Variants in ITIH5 observed in about 807,000 individuals in gnomAD.
ITIH5 encodes inter-alpha-trypsin inhibitor heavy chain H5.
Under a neutral mutation model 77.5 loss-of-function variants are expected in ITIH5, and 65 were observed. The observed-to-expected ratio is 0.84, with a 90% CI of 0.69 to 1.03. The LOEUF (loss-of-function observed/expected upper bound fraction) is 1.03. ITIH5 is among the 50% of genes least tolerant of loss of function. ITIH5 has a pLI of 0.00. For missense variants in ITIH5, 1,208 were observed against 1,213.1 expected, an observed-to-expected ratio of 1.00 and a Z score of 0.06; for synonymous variants, 525 against 494.3, an observed-to-expected ratio of 1.06 and a Z score of -0.82.
chr10:7,563,272 T>G lies in ITIH5; in HGVS notation c.2640A>C (p.Thr880=). 6.2e-7 allele frequency: 1 copy of G among 1,614,224 alleles called. No homozygotes were observed. The highest frequency in any genetic ancestry group is 8.5e-7 in the Non-Finnish European group (1 of 1,180,042). The change falls in exon 14 of 14, where the codon ACA becomes ACC. Residue 880 remains threonine (T), a synonymous_variant. Coordinates refer to ENST00000397146, the MANE Select transcript of ITIH5 (RefSeq NM_030569.7). ...QVGEGPEAVL[T]VKGHQVPVVW... is the part of the protein sequence containing the mutation. ...CCACTGGGACTTGGTGGCCTTTCAC[T>G]GTTAGGACGGCCTCAGGCCCCTCTC...
chr10:7,665,916 GTC>G (rs1198237395), intron 1 of ITIH5, among the ~76,000 whole-genome samples: 1 of 152,186 alleles, frequency 6.6e-6, no homozygotes, highest in Admixed American at 6.5e-5. Flanking sequence ...GAAGATAACT[GTC>G]TTCATATTTA....
chr10:7,592,879 G>A (rs981642532), intron 7 of ITIH5, among the ~76,000 whole-genome samples: 6 of 152,104 alleles, frequency 3.9e-5, no homozygotes, highest in East Asian at 1.9e-4. Context: ...ATGCAGTGGC[G>A]GTGGTGGGGC....
chr10:7,583,579 C>G (rs566940241), intron 8 of ITIH5, among the ~76,000 whole-genome samples: 1 of 152,166 alleles, frequency 6.6e-6, no homozygotes, highest in African/African-American at 2.4e-5. Flanking sequence ...GGCAATCCAC[C>G]CGCCTTGGCC....
chr10:7,653,206 CA>C (rs1360004390), intron 2 of ITIH5, among the ~76,000 whole-genome samples: 2 of 151,726 alleles, frequency 1.3e-5, no homozygotes, highest in Non-Finnish European at 2.9e-5. Flanking sequence ...TGACATCTAT[CA>C]AAAAAAAGGT....
intron 7 of ITIH5, among the ~76,000 whole-genome samples, chr10:7,613,587 T>C (rs983274710): frequency 7.2e-5 from 11 of 152,182 alleles, no homozygotes; most frequent in Non-Finnish European, 1.6e-4. Context: ...AATATTTTCT[T>C]TAGCTTCCCA....
At chr10:7,592,328 C>G (rs912311851) in intron 7 of ITIH5, among the ~76,000 whole-genome samples, 1 of 152,156 alleles carries the variant, frequency 6.6e-6, no homozygotes, top group Non-Finnish European at 1.5e-5. Flanking sequence ...AACAGCCATC[C>G]CCTTGCCCTG....
intron 7 of ITIH5, among the ~76,000 whole-genome samples, chr10:7,606,893 AT>A (rs937924638): frequency 2.6e-5 from 4 of 151,990 alleles, no homozygotes; most frequent in Non-Finnish European, 4.4e-5. Context: ...TTGGAGAGCA[AT>A]TTTTTTTCTT....
chr10:7,641,596 A>C (rs546110167), intron 3 of ITIH5, among the ~76,000 whole-genome samples: 89 of 149,526 alleles, frequency 6.0e-4, no homozygotes, highest in Non-Finnish European at 1.1e-3. Context: ...TAAAAAAGAG[A>C]AAATAGAAGG....
intron 7 of ITIH5, among the ~76,000 whole-genome samples, chr10:7,599,718 G>A (rs1186579513): frequency 1.3e-5 from 2 of 152,132 alleles, no homozygotes; most frequent in Non-Finnish European, 2.9e-5. Flanking sequence ...ATATGGACAG[G>A]CTGGGAAAAA....
rs184897915 is a variant in ITIH5 at position 7,635,292 on chromosome 10, C to T, written c.652+1936G>A. 7.9e-5 allele frequency among the ~76,000 whole-genome samples: 12 copies of T among 152,292 alleles called. No individual in the cohort carries two copies. In the East Asian group the frequency reaches 1.4e-3, roughly 17 times the overall value. Reference sequence around the variant, plus strand: ...TAATAATTTTTAAGCTCTCATTCTGCGGCCAACCCTTTACATACATGAGCA... The same window carrying T: ...TAATAATTTTTAAGCTCTCATTCTGTGGCCAACCCTTTACATACATGAGCA... On this transcript the variant is annotated intron_variant, in intron 5 of 13. Transcript: ENST00000397146.
At chr10:7,568,491 C>T (rs1832231691) in intron 12 of ITIH5, among the ~76,000 whole-genome samples, 1 of 152,184 alleles carries the variant, frequency 6.6e-6, no homozygotes, top group Admixed American at 6.5e-5. Flanking sequence ...TACAGTTAGG[C>T]CCCTATCTTG....
chr10:7,631,962 T>TTTC (rs1491460860), intron 5 of ITIH5, among the ~76,000 whole-genome samples: 2 of 33,572 alleles, frequency 6.0e-5, no homozygotes, highest in Non-Finnish European at 9.5e-5. Context: ...AATTTTTGTA[T>TTTC]TTTTTTTTTT....
In ITIH5 at chr10:7,580,082, G is replaced by A. The variant is rs779223947; in HGVS notation, c.1109-18C>T. The A allele has an allele frequency of 5.7e-6, 9 of 1,576,730 alleles. No individual in the cohort carries two copies. Among genetic ancestry groups the A allele is most frequent in the South Asian group, 3.4e-5 (3 of 87,870 alleles). ...GTCTGTGCCTGCAGGACACCAACAC[G>A]GAACAGCTCAAGCCTCTGCACTCAC... On this transcript the variant is annotated intron_variant, in intron 8 of 13. Transcript: ENST00000397146.
intron 12 of ITIH5, among the ~76,000 whole-genome samples, chr10:7,569,010 C>CTTTTTTTTTT (rs5782983): frequency 9.8e-5 from 7 of 71,600 alleles, no homozygotes; most frequent in African/African-American, 2.0e-4. Context: ...TTTTCTTTTT[C>CTTTTTTTTTT]TTTTTTTTTT....
chr10:7,572,551 A>T (rs1832322556), intron 11 of ITIH5, among the ~76,000 whole-genome samples: 1 of 152,124 alleles, frequency 6.6e-6, no homozygotes, highest in Admixed American at 6.6e-5. Context: ...GAGGGTCAGA[A>T]TGTGCCTCTG....
chr10:7,574,999 A>C (rs1307140382), intron 10 of ITIH5, among the ~76,000 whole-genome samples: 2 of 152,080 alleles, frequency 1.3e-5, no homozygotes. Context: ...CATAGGTAGA[A>C]AGTGATAGCA....
intron 7 of ITIH5, among the ~76,000 whole-genome samples, chr10:7,591,368 G>A (rs1243311310): frequency 6.6e-6 from 1 of 152,040 alleles, no homozygotes; most frequent in East Asian, 1.9e-4. Context: ...GTGGCACCAG[G>A]GGCTGCCCTC....
At chr10:7,567,153 A>G (rs1008380029) in intron 12 of ITIH5, among the ~76,000 whole-genome samples, 2 of 151,896 alleles carry the variant, frequency 1.3e-5, no homozygotes, top group African/African-American at 4.8e-5. Flanking sequence ...GTTTTGGGTC[A>G]AGATATCGTA....
intron 12 of ITIH5, 116 bp downstream of exon 12, chr10:7,569,552 T>G: frequency 1.6e-6 from 1 of 615,824 alleles, no homozygotes; most frequent in Non-Finnish European, 2.8e-6. Context: ...CTGACGATAC[T>G]CACTGAGCGT....
Sources: gnomAD v4.1 joint callset for allele counts (sites outside exome capture counted in the v4.1 genomes callset) on GRCh38, gnomAD v4.1.1 for gene constraint, MANE v1.5 for transcripts, NCBI Gene and HGNC (gene_info 2026-07-23, HGNC 2026-07-21) for gene names.